The following SCD variants were observed in gnomAD, a reference collection of about 807,000 sequenced individuals.
SCD encodes stearoyl-CoA desaturase.
SCD carries 4 observed loss-of-function variants against 35.7 expected under a neutral mutation model. The observed-to-expected ratio is 0.11, with a 90% CI of 0.06 to 0.26. The LOEUF (loss-of-function observed/expected upper bound fraction) is 0.26, where lower values mean the gene tolerates loss of function less well. Ranked by LOEUF, SCD falls within the 10% of genes least tolerant of loss-of-function variation. The pLI is 1.00. For synonymous variants in SCD, 150 were observed against 170.2 expected, an observed-to-expected ratio of 0.88 and a Z score of 0.92; for missense variants, 282 against 460.7, an observed-to-expected ratio of 0.61 and a Z score of 3.55.
chr10:100,360,855 T>C lies in SCD; in HGVS notation c.1002T>C (p.Tyr334=), dbSNP rs1849983407. ...GCATGGCCGCCCTCGGTCTGGCCTATGACCGGAAGAAAGTCTCCAAGGCCG... is the reference window on the plus strand; with the variant it reads ...GCATGGCCGCCCTCGGTCTGGCCTACGACCGGAAGAAAGTCTCCAAGGCCG... ...IDCMAALGLA[Y]DRKKVSKAAI... is the part of the protein sequence containing the mutation. Residue 334 remains tyrosine, a synonymous_variant, in exon 6 of 6, where the codon TAT becomes TAC. Coordinates refer to ENST00000370355, the MANE Select transcript of SCD (RefSeq NM_005063.5). 1.2e-6 allele frequency: 2 copies of C among 1,613,882 alleles called. No homozygotes were observed. Among genetic ancestry groups the C allele is most frequent in the Admixed American group, 1.7e-5 (1 of 59,992 alleles).
rs988391104 is a variant in SCD, at chr10:100,364,686, A to AT, written c.*3759dup. On this transcript the variant is annotated 3_prime_UTR_variant, in exon 6 of 6. Coordinates refer to ENST00000370355, the MANE Select transcript of SCD (RefSeq NM_005063.5). ...GATGCCTTTTCTGTGATTGGGTGGG[A>AT]TTTTTTCCCTTTTTATGTGGGATAT... 1 of 152,506 alleles carries AT rather than the reference A, an allele frequency of 6.6e-6. No individual in the cohort carries two copies. Among genetic ancestry groups the AT allele is most frequent in the African/African-American group, 2.4e-5 (1 of 41,402 alleles). The allele number at this position is 152,506 out of a possible 1,614,324, so 9.4% of individuals were successfully genotyped here. A position where few individuals can be genotyped will look rare whatever the true frequency, so the allele number is the denominator to read the frequency against.
intron 1 of SCD, 99 bp from the exon 2 acceptor site, chr10:100,347,965 G>T: frequency 1.6e-6 from 2 of 1,241,976 alleles, no homozygotes; most frequent in Non-Finnish European, 2.3e-6. Flanking sequence ...GGAAGGGTCC[G>T]TACTGTCCAC....
intron 2 of SCD, among the ~76,000 whole-genome samples, chr10:100,349,520 C>G (rs1276725858): frequency 6.6e-6 from 1 of 152,176 alleles, no homozygotes; most frequent in Non-Finnish European, 1.5e-5. Flanking sequence ...CTTAGGTCTT[C>G]TGAAGATGGT....
chr10:100,347,408 T>C lies in SCD; in HGVS notation c.-97T>C, dbSNP rs201287582. On this transcript the variant is annotated 5_prime_UTR_variant, in exon 1 of 6. Coordinates refer to ENST00000370355, the MANE Select transcript of SCD (RefSeq NM_005063.5). ...GTGCAAGGCGCCGCGGCTCAGCGCG[T>C]ACCGGCGGGCTTCGAAACCGCAGTC... The C allele has an allele frequency of 4.1e-4, 551 of 1,343,198 alleles. 2 individuals carry two copies. The African/African-American group carries it at 6.9e-3, about 17-fold the overall frequency. 83.2% of individuals were successfully genotyped at this position (1,343,198 alleles called of 1,614,324 possible).
Position 100,362,333 on chromosome 10 carries a change from G to A in SCD, c.*1400G>A, listed in dbSNP as rs1564627239. ...TAGTTCCAGTTTCTCCTTGAAATGA[G>A]TAAAAACTAGAAGGCTTCTCTCCAC... On this transcript the variant is annotated 3_prime_UTR_variant, in exon 6 of 6. Transcript: ENST00000370355. The A allele has an allele frequency of 6.6e-6, 1 of 152,210 alleles. No individual in the cohort carries two copies. The highest frequency in any genetic ancestry group is 1.5e-5 in the Non-Finnish European group (1 of 68,034). 9.4% of individuals were successfully genotyped at this position (152,210 alleles called of 1,614,324 possible). A position where few individuals can be genotyped will look rare whatever the true frequency, so the allele number is the denominator to read the frequency against.
At chr10:100,360,164 G>T (rs981300916) in intron 5 of SCD, among the ~76,000 whole-genome samples, 1 of 152,216 alleles carries the variant, frequency 6.6e-6, no homozygotes, top group African/African-American at 2.4e-5. Context: ...CCTAGAGGTG[G>T]TTCCAGTGTG....
intron 2 of SCD, among the ~76,000 whole-genome samples, chr10:100,349,218 G>A (rs1266287285): frequency 5.3e-5 from 8 of 152,224 alleles, no homozygotes; most frequent in East Asian, 1.9e-4. Flanking sequence ...GTTTGTCCCC[G>A]ACCTGCCCTT....
chr10:100,359,962 C>A (rs1193909199), intron 5 of SCD, among the ~76,000 whole-genome samples: 1 of 152,208 alleles, frequency 6.6e-6, no homozygotes, highest in African/African-American at 2.4e-5. Flanking sequence ...TCCTCAAAAT[C>A]TCAGAGGTTA....
chr10:100,353,984 G>T (rs1849899589), intron 3 of SCD, among the ~76,000 whole-genome samples: 1 of 152,240 alleles, frequency 6.6e-6, no homozygotes. Flanking sequence ...GCACCAGAAT[G>T]GTGCACCCTG....
chr10:100,359,971 T>C (rs1338534066), intron 5 of SCD, among the ~76,000 whole-genome samples: 1 of 152,210 alleles, frequency 6.6e-6, no homozygotes, highest in African/African-American at 2.4e-5. Context: ...TCTCAGAGGT[T>C]ACAGGGTATT....
chr10:100,354,408 C>G lies in SCD; in HGVS notation c.442-19C>G, dbSNP rs200095672. On this transcript the variant is annotated intron_variant, in intron 3 of 5. Coordinates refer to ENST00000370355, the MANE Select transcript of SCD (RefSeq NM_005063.5). ...GTGTCTATCCTCAAGCCTTACATTC[C>G]TCTTCTCTCTCTCCCCAGAATGATG... The G allele has an allele frequency of 3.7e-5, 60 of 1,608,302 alleles. No homozygotes were observed. The highest frequency in any genetic ancestry group is 4.9e-5 in the Non-Finnish European group (58 of 1,174,988).
At position 100,348,094 on chromosome 10, in the gene SCD, A is replaced by G; in HGVS notation, c.58A>G (p.Ile20Val). Residue 20 changes from isoleucine (I) to valine (V), a missense_variant, in exon 2 of 6, where the codon ATT (isoleucine) becomes GTT (valine). Physicochemically the swap from Ile to Val is conservative, Grantham distance 29. Coordinates refer to ENST00000370355, the MANE Select transcript of SCD (RefSeq NM_005063.5). ...TAGCTCCTATACCACCACCACCACC[A>G]TTACAGCGCCTCCCTCCAGGGTCCT... ...ISSSYTTTTT[I>V]TAPPSRVLQN... 1 of 1,613,388 alleles carries G rather than the reference A, an allele frequency of 6.2e-7. No individual in the cohort carries two copies. The highest frequency in any genetic ancestry group is 8.5e-7 in the Non-Finnish European group (1 of 1,179,746).
chr10:100,360,724 T>A lies in SCD; in HGVS notation c.881-10T>A, dbSNP rs779557709. On this transcript the variant is annotated splice_polypyrimidine_tract_variant and intron_variant, in intron 5 of 5. Transcript: ENST00000370355. ...CACCGTCACTCCATAACTTCTCGCT[T>A]TTGTTTCAGGTGAGGGCTTCCACAA... 1.4e-5 allele frequency: 22 copies of A among 1,610,338 alleles called. No individual in the cohort carries two copies. The highest frequency in any genetic ancestry group is 1.9e-5 in the Non-Finnish European group (22 of 1,179,656).
In SCD at chr10:100,353,900, C is replaced by T. The variant is rs549551465; in HGVS notation, c.442-527C>T. Among the ~76,000 whole-genome samples, 114 of 152,210 alleles carry T rather than the reference C, an allele frequency of 7.5e-4. 1 individual carries two copies. The highest frequency in any genetic ancestry group is 1.3e-3 in the Non-Finnish European group (90 of 68,050). On this transcript the variant is annotated intron_variant, in intron 3 of 5. Coordinates refer to ENST00000370355, the MANE Select transcript of SCD (RefSeq NM_005063.5). ...AAAAGTCATGAAGAAGCCCAGAGGT[C>T]GTTTGAAAATGCAGTCATGATCACG...
chr10:100,352,324 C>T lies in SCD; in HGVS notation c.311-42C>T, dbSNP rs368725972. 6.9e-6 allele frequency: 11 copies of T among 1,603,382 alleles called. No individual in the cohort carries two copies. In the African/African-American group the frequency reaches 1.3e-4, roughly 20 times the overall value. Reference sequence around the variant, plus strand: ...CTCTGGCATCCTTTCCCAGATGGAACTCACACTGATTGGTGACTCCCCCAC... The same window carrying T: ...CTCTGGCATCCTTTCCCAGATGGAATTCACACTGATTGGTGACTCCCCCAC... On this transcript the variant is annotated intron_variant, in intron 2 of 5. Coordinates refer to ENST00000370355, the MANE Select transcript of SCD (RefSeq NM_005063.5). This position sits in a 1 kb window ranked among gnomAD's most constrained non-coding sequence, Gnocchi z 4.2.
chr10:100,349,472 G>T (rs1288732212), intron 2 of SCD, among the ~76,000 whole-genome samples: 1 of 152,224 alleles, frequency 6.6e-6, no homozygotes, highest in African/African-American at 2.4e-5. Flanking sequence ...ATGCAGAAGG[G>T]CTGGTAGGCC....
rs369488118 is a variant in SCD, at chr10:100,356,481, G to A, written c.648-51G>A. On this transcript the variant is annotated intron_variant, in intron 4 of 5. Transcript: ENST00000370355. The surrounding 1 kb of genome is among the most constrained non-coding windows in gnomAD (Gnocchi z 4.1). Reference sequence around the variant, plus strand: ...CTCCCAATTAGTGTGGAAGATCCATGTAGGTGTGGAGTCCCCCTCCATTGA... The same window carrying A: ...CTCCCAATTAGTGTGGAAGATCCATATAGGTGTGGAGTCCCCCTCCATTGA... The A allele has an allele frequency of 7.6e-7, 1 of 1,319,570 alleles. No homozygotes were observed. Among genetic ancestry groups the A allele is most frequent in the South Asian group, 1.2e-5 (1 of 84,732 alleles). 81.7% of individuals were successfully genotyped at this position (1,319,570 alleles called of 1,614,324 possible). A position where few individuals can be genotyped will look rare whatever the true frequency, so the allele number is the denominator to read the frequency against.
Position 100,356,509 on chromosome 10 carries a change from T to C in SCD, c.648-23T>C. On this transcript the variant is annotated intron_variant, in intron 4 of 5. Coordinates refer to ENST00000370355, the MANE Select transcript of SCD (RefSeq NM_005063.5). This position sits in a 1 kb window ranked among gnomAD's most constrained non-coding sequence, Gnocchi z 4.1. ...GGTGTGGAGTCCCCCTCCATTGACC[T>C]GGTGTCTGGTCTGTCAATGTAGGTA... The C allele has an allele frequency of 1.3e-6, 2 of 1,573,826 alleles. No individual in the cohort carries two copies. Among genetic ancestry groups the C allele is most frequent in the Non-Finnish European group, 1.7e-6 (2 of 1,143,268 alleles).
At position 100,352,587 on chromosome 10, in the gene SCD, A is replaced by G; in HGVS notation, c.441+91A>G. On this transcript the variant is annotated intron_variant, in intron 3 of 5. Transcript: ENST00000370355. The surrounding 1 kb of genome is among the most constrained non-coding windows in gnomAD (Gnocchi z 4.2). ...GGGATCAGCACCAGAGAGGAGCCAC[A>G]CCTGACAGCCATTTCACTTTCCTCT... The G allele has an allele frequency of 8.1e-7, 1 of 1,238,254 alleles. No homozygotes were observed. The highest frequency in any genetic ancestry group is 1.8e-5 in the Admixed American group (1 of 55,882). 76.7% of individuals were successfully genotyped at this position (1,238,254 alleles called of 1,614,324 possible). A position where few individuals can be genotyped will look rare whatever the true frequency, so the allele number is the denominator to read the frequency against.
Sources: allele counts gnomAD v4.1 joint callset (sites outside exome capture counted in the v4.1 genomes callset), GRCh38; gene constraint gnomAD v4.1.1; non-coding constraint Gnocchi (gnomAD v3.1); transcripts MANE v1.5; gene names NCBI Gene and HGNC (gene_info 2026-07-23, HGNC 2026-07-21).